Variants in DACH2 observed in about 807,000 individuals in gnomAD.
The protein encoded by DACH2 is dachshund family transcription factor 2, also known as dachshund homolog 2.
In DACH2, 17 loss-of-function variants were observed where a neutral mutation model predicts 35.8. The ratio of observed to expected loss-of-function variants is 0.48; its 90% CI spans 0.33 to 0.71. The LOEUF (loss-of-function observed/expected upper bound fraction) is 0.71, where lower values mean the gene tolerates loss of function less well. DACH2 is among the 30% of genes least tolerant of loss of function. The probability of loss-of-function intolerance (pLI) is 0.02; values close to 1 mark genes in which losing one functional copy is unlikely to be tolerated. For synonymous variants in DACH2, 195 were observed against 177.3 expected (o/e 1.10, Z -0.79); for missense variants, 469 against 472.7 (o/e 0.99, Z 0.07).
intron 3 of DACH2, among the ~76,000 whole-genome samples, chrX:86,539,906 A>G (rs759153252): frequency 9.0e-6 from 1 of 111,516 alleles, no homozygotes; most frequent in East Asian, 2.8e-4. Flanking sequence ...TAGTCATGGC[A>G]TGAAGATTCT....
chrX:86,767,985 A>G lies in DACH2; in HGVS notation c.1240+28103A>G, dbSNP rs189119947. On this transcript the variant is annotated intron_variant, in intron 7 of 11. Transcript: ENST00000373125. ...TTTGTTTTTACTAAAAAAATGGTTC[A>G]TTCGCTGGTGGCTTGTAGATGAAAT... 5.4e-5 allele frequency among the ~76,000 whole-genome samples: 6 copies of G among 111,677 alleles called. No homozygotes were observed. The East Asian group carries it at 1.4e-3, about 26-fold the overall frequency.
chrX:86,480,949 A>C (rs1251891882), intron 2 of DACH2: 1 of 112,225 alleles, frequency 8.9e-6, no homozygotes, highest in African/African-American at 3.2e-5. Flanking sequence ...TATTTCACAT[A>C]AACATGGGAG....
chrX:86,455,034 G>A (rs1293331534), intron 2 of DACH2, among the ~76,000 whole-genome samples: 1 of 111,021 alleles, frequency 9.0e-6, no homozygotes, highest in African/African-American at 3.3e-5. Context: ...CTTCTGTAGG[G>A]CTGCTGTGGT....
intron 1 of DACH2, among the ~76,000 whole-genome samples, chrX:86,335,063 G>A (rs767481174): frequency 1.3e-4 from 14 of 111,458 alleles, no homozygotes; most frequent in Non-Finnish European, 1.9e-4. Context: ...AAGATCAGAT[G>A]GTTGTAGATG....
intron 1 of DACH2, among the ~76,000 whole-genome samples, chrX:86,275,192 A>G (rs759330985): frequency 9.8e-4 from 110 of 111,975 alleles, no homozygotes; most frequent in African/African-American, 2.9e-3. Flanking sequence ...GCAATATACT[A>G]CAAGGGGTTT....
intron 2 of DACH2, among the ~76,000 whole-genome samples, chrX:86,453,662 C>T (rs1465143259): frequency 9.0e-6 from 1 of 110,885 alleles, no homozygotes; most frequent in Admixed American, 9.7e-5. Flanking sequence ...TTTTCATTTG[C>T]TTGGTAAATT....
chrX:86,475,739 A>G (rs762526312), intron 2 of DACH2, among the ~76,000 whole-genome samples: 1 of 111,987 alleles, frequency 8.9e-6, no homozygotes, highest in Admixed American at 9.5e-5. Context: ...CAGTGGTGAC[A>G]GTGGGCATCC....
intron 3 of DACH2, among the ~76,000 whole-genome samples, chrX:86,600,458 G>C (rs2039775536): frequency 8.9e-6 from 1 of 111,867 alleles, no homozygotes; most frequent in Non-Finnish European, 1.9e-5. Flanking sequence ...TTCTTTCTCA[G>C]TGAATGGGAC....
chrX:86,515,510 A>G (rs1204213545), intron 3 of DACH2, among the ~76,000 whole-genome samples: 1 of 111,167 alleles, frequency 9.0e-6, no homozygotes, highest in Non-Finnish European at 1.9e-5. Context: ...GCTTTAAGGT[A>G]GAAGACTTAT....
chrX:86,454,167 A>G (rs1373095708), intron 2 of DACH2, among the ~76,000 whole-genome samples: 6 of 111,030 alleles, frequency 5.4e-5, no homozygotes, highest in African/African-American at 1.6e-4. Context: ...GTGGGCTTCT[A>G]ATTTTAGGTG....
chrX:86,331,310 G>T (rs1015042251), intron 1 of DACH2, among the ~76,000 whole-genome samples: 3 of 111,161 alleles, frequency 2.7e-5, no homozygotes, highest in Admixed American at 1.9e-4. Context: ...ACCCAATGTG[G>T]TTAGTTATAC....
At chrX:86,495,357 CTT>C (rs781757420) in intron 2 of DACH2, among the ~76,000 whole-genome samples, 4 of 102,028 alleles carry the variant, frequency 3.9e-5, no homozygotes, top group Admixed American at 1.1e-4. Flanking sequence ...TGCATCCAGA[CTT>C]TTTTTTTTTT....
intron 3 of DACH2, among the ~76,000 whole-genome samples, chrX:86,526,759 C>T (rs144977835): frequency 5.3e-3 from 547 of 104,133 alleles, no homozygotes; most frequent in Non-Finnish European, 7.4e-3. Context: ...GTTAGCAAAT[C>T]GTGCTTTCTA....
chrX:86,216,984 A>G (rs1020450747), intron 1 of DACH2, among the ~76,000 whole-genome samples: 1 of 109,961 alleles, frequency 9.1e-6, no homozygotes, highest in African/African-American at 3.3e-5. Context: ...CCAGCTACTC[A>G]GGAGGCTGAG....
At chrX:86,290,921 C>A (rs1002899523) in intron 1 of DACH2, among the ~76,000 whole-genome samples, 1 of 109,249 alleles carries the variant, frequency 9.2e-6, no homozygotes, top group African/African-American at 3.4e-5. Context: ...TTTTTGGTTC[C>A]ACATGAACTT....
chrX:86,202,623 T>C (rs982787526), intron 1 of DACH2, among the ~76,000 whole-genome samples: 15 of 106,288 alleles, frequency 1.4e-4, no homozygotes, highest in African/African-American at 5.8e-4. Flanking sequence ...CTTAAGTTTT[T>C]AGAAGCTTGG....
chrX:86,449,351 G>GT (rs2037324602), intron 2 of DACH2, among the ~76,000 whole-genome samples: 1 of 102,527 alleles, frequency 9.8e-6, no homozygotes, highest in South Asian at 4.7e-4. Context: ...TTTTGAATGT[G>GT]TTTGCTCTTG....
intron 3 of DACH2, among the ~76,000 whole-genome samples, chrX:86,575,277 C>T (rs1253562166): frequency 1.8e-5 from 2 of 110,928 alleles, no homozygotes; most frequent in Non-Finnish European, 3.8e-5. Flanking sequence ...ACCAAAAAAT[C>T]GATCTGGCTT....
At chrX:86,727,877 G>A (rs776866006) in intron 6 of DACH2, among the ~76,000 whole-genome samples, 6 of 111,851 alleles carry the variant, frequency 5.4e-5, no homozygotes, top group East Asian at 2.8e-4. Flanking sequence ...TTATAGCGAC[G>A]CAAGAAAGGC....
Sources: gnomAD v4.1 joint callset for allele counts (sites outside exome capture counted in the v4.1 genomes callset) on GRCh38, gnomAD v4.1.1 for gene constraint, MANE v1.5 for transcripts, NCBI Gene and HGNC (gene_info 2026-07-23, HGNC 2026-07-21) for gene names.